The following CEP112 variants were observed in gnomAD, a reference collection of about 807,000 sequenced individuals.
CEP112 encodes centrosomal protein 112, also known as centrosomal protein of 112 kDa.
CEP112 carries 127 observed loss-of-function variants against 153.0 expected under a neutral mutation model. The ratio of observed to expected loss-of-function variants is 0.83; its 90% confidence interval spans 0.72 to 0.96. CEP112 has a LOEUF of 0.96. Among genes scored for constraint, CEP112 ranks in the 40% least tolerant of loss-of-function variants. CEP112 has a pLI of 0.00. For synonymous variants in CEP112, 358 were observed against 374.4 expected (o/e 0.96, Z 0.51); for missense variants, 1,089 against 1,101.2 (o/e 0.99, Z 0.16).
At chr17:65,904,474 C>T (rs1428395381) in intron 19 of CEP112, among the ~76,000 whole-genome samples, 2 of 152,208 alleles carry the variant, frequency 1.3e-5, no homozygotes, top group African/African-American at 4.8e-5. Context: ...AATGGAAAAA[C>T]ATTCCATGCT....
intron 18 of CEP112, among the ~76,000 whole-genome samples, chr17:65,938,034 G>T (rs902418933): frequency 8.5e-6 from 1 of 117,746 alleles, no homozygotes. Context: ...TGTGTAGAAA[G>T]AAGTAGACAT....
chr17:65,989,743 C>T (rs921440449), intron 17 of CEP112, among the ~76,000 whole-genome samples: 13 of 152,140 alleles, frequency 8.5e-5, no homozygotes, highest in African/African-American at 3.1e-4. Context: ...GTTAACTGTG[C>T]TGTGCAATTC....
chr17:65,821,749 G>A (rs1349426320), intron 21 of CEP112, among the ~76,000 whole-genome samples: 11 of 149,894 alleles, frequency 7.3e-5, no homozygotes, highest in Admixed American at 4.0e-4. Context: ...ATGAGGTTTC[G>A]CCATGTTGGC....
chr17:65,870,371 T>A (rs566069061), intron 20 of CEP112, among the ~76,000 whole-genome samples: 72 of 152,228 alleles, frequency 4.7e-4, no homozygotes, highest in African/African-American at 1.7e-3. Flanking sequence ...TAGGTTAAGT[T>A]AAAACTAAAA....
In CEP112 at chr17:66,043,059, C is replaced by T. The variant is rs369208942; in HGVS notation, c.1218+10677G>A. Reference sequence around the variant, plus strand: ...AGTTAAATATTTCAGATGTCTAAGGCTTTTGGCACTCTTTAAGGTAAAGGA... The same window carrying T: ...AGTTAAATATTTCAGATGTCTAAGGTTTTTGGCACTCTTTAAGGTAAAGGA... On this transcript the variant is annotated intron_variant, in intron 12 of 26. Transcript: ENST00000535342. 1.6e-5 allele frequency: 16 copies of T among 976,948 alleles called. 1 individual carries two copies. The East Asian group carries it at 3.4e-4, about 21-fold the overall frequency. 60.5% of individuals were successfully genotyped at this position (976,948 alleles called of 1,614,324 possible).
chr17:65,814,546 C>T (rs1363943345), intron 21 of CEP112, among the ~76,000 whole-genome samples: 2 of 152,118 alleles, frequency 1.3e-5, no homozygotes, highest in Non-Finnish European at 2.9e-5. Context: ...TGACACAGTG[C>T]AATAAATGTT....
chr17:65,826,599 G>T, intron 21 of CEP112: 1 of 1,222,746 alleles, frequency 8.2e-7, no homozygotes, highest in Non-Finnish European at 1.0e-6. Flanking sequence ...GTCTCCCAGG[G>T]GCAGAAAATA....
intron 8 of CEP112, among the ~76,000 whole-genome samples, chr17:66,072,683 G>A (rs2146101114): frequency 6.6e-6 from 1 of 152,212 alleles, no homozygotes; most frequent in African/African-American, 2.4e-5. Context: ...AAGACAGTGA[G>A]CACCAAGTTA....
At chr17:66,069,839 T>C (rs2067246818) in intron 9 of CEP112, 76 bp downstream of exon 9, 2 of 782,836 alleles carry the variant, frequency 2.6e-6, no homozygotes, top group Non-Finnish European at 2.1e-6. Flanking sequence ...AATGGATGGA[T>C]AACTGGATGG....
At chr17:65,871,281 G>A (rs1190453795) in intron 20 of CEP112, among the ~76,000 whole-genome samples, 2 of 152,116 alleles carry the variant, frequency 1.3e-5, no homozygotes, top group East Asian at 1.9e-4. Flanking sequence ...GACTTCTAAC[G>A]GCATTTCCCT....
intron 7 of CEP112, 56 bp from the exon 8 acceptor site, chr17:66,096,384 C>T: frequency 2.0e-6 from 3 of 1,527,150 alleles, no homozygotes; most frequent in Non-Finnish European, 2.7e-6. Context: ...TATCCTTAAC[C>T]CCAAAGAAAA....
At chr17:65,651,411 T>C (rs1375497913) in intron 24 of CEP112, among the ~76,000 whole-genome samples, 1 of 152,222 alleles carries the variant, frequency 6.6e-6, no homozygotes. Context: ...TGTGTGCAAG[T>C]ATCTTTTTCA....
intron 22 of CEP112, among the ~76,000 whole-genome samples, chr17:65,746,596 C>A (rs1229776198): frequency 6.6e-6 from 1 of 152,036 alleles, no homozygotes; most frequent in Non-Finnish European, 1.5e-5. Flanking sequence ...TGGTTGTAGA[C>A]CCAGAGTATA....
intron 17 of CEP112, among the ~76,000 whole-genome samples, chr17:65,971,086 T>C (rs1400916853): frequency 2.6e-5 from 4 of 152,346 alleles, no homozygotes; most frequent in East Asian, 3.9e-4. Context: ...ATGTCTTACA[T>C]GTATATTACA....
intron 21 of CEP112, among the ~76,000 whole-genome samples, chr17:65,759,203 C>T (rs1032916216): frequency 1.7e-4 from 26 of 152,276 alleles, no homozygotes; most frequent in Middle Eastern, 6.8e-3. Context: ...ATGAATAATC[C>T]ACCCCTTGTT....
At chr17:65,643,617 C>T (rs997074898) in intron 24 of CEP112, among the ~76,000 whole-genome samples, 2 of 152,106 alleles carry the variant, frequency 1.3e-5, no homozygotes, top group African/African-American at 2.4e-5. Context: ...GTACTTCTTA[C>T]ACACCACTTG....
intron 4 of CEP112, among the ~76,000 whole-genome samples, chr17:66,135,985 A>G (rs938015247): frequency 6.6e-6 from 1 of 152,154 alleles, no homozygotes; most frequent in Non-Finnish European, 1.5e-5. Context: ...CATAAATTCA[A>G]CAACAATACA....
At chr17:65,872,434 G>T (rs1568148132) in intron 20 of CEP112, among the ~76,000 whole-genome samples, 2 of 152,090 alleles carry the variant, frequency 1.3e-5, no homozygotes, top group African/African-American at 4.8e-5. Flanking sequence ...CCAGTTTTAA[G>T]AATTCATCTT....
intron 21 of CEP112, among the ~76,000 whole-genome samples, chr17:65,812,831 A>G (rs78293480): frequency 6.6e-6 from 1 of 151,580 alleles, no homozygotes; most frequent in Non-Finnish European, 1.5e-5. Context: ...ATGCAAAATT[A>G]AAAAAAAGAA....
Sources: allele counts gnomAD v4.1 joint callset (sites outside exome capture counted in the v4.1 genomes callset), GRCh38; gene constraint gnomAD v4.1.1; transcripts MANE v1.5; gene names NCBI Gene and HGNC (gene_info 2026-07-23, HGNC 2026-07-21).